Variants in CDK17 observed in about 807,000 individuals in gnomAD.
CDK17 encodes cyclin dependent kinase 17, also known as cyclin-dependent kinase 17.
A neutral mutation model predicts 77.6 loss-of-function variants in CDK17; 24 were observed. The ratio of observed to expected loss-of-function variants is 0.31; its 90% CI spans 0.22 to 0.44. CDK17 has a LOEUF of 0.44. Among genes scored for constraint, CDK17 ranks in the 20% least tolerant of loss-of-function variants. The probability of loss-of-function intolerance (pLI) is 1.00; values close to 1 mark genes in which losing one functional copy is unlikely to be tolerated. For missense variants in CDK17, 429 were observed against 622.5 expected (o/e 0.69, Z 3.31); for synonymous variants, 203 against 210.4 (o/e 0.96, Z 0.30).
chr12:96,332,427 G>A (rs1054097587), intron 2 of CDK17, among the ~76,000 whole-genome samples: 4 of 152,148 alleles, frequency 2.6e-5, no homozygotes, highest in Admixed American at 1.3e-4. Flanking sequence ...AAGTATATAC[G>A]TGTCATTCAT....
intron 1 of CDK17, among the ~76,000 whole-genome samples, chr12:96,349,772 CA>C (rs1227029326): frequency 6.6e-6 from 1 of 151,780 alleles, no homozygotes; most frequent in African/African-American, 2.4e-5. Context: ...CTAGTCAGAA[CA>C]ATTAGGCAAG....
In CDK17 at chr12:96,396,643, A is replaced by C. The variant is rs564985476; in HGVS notation, c.-30+3343T>G. ...TCCATTCAAAATTCAAAAGAACCTA[A>C]AACTATTCATCCTTCCCATGTATGA... is the stretch of plus-strand genomic sequence containing the variant. On this transcript the variant is annotated intron_variant, in intron 1 of 16. Coordinates refer to ENST00000261211, the MANE Select transcript of CDK17 (RefSeq NM_002595.5). 2.6e-5 allele frequency among the ~76,000 whole-genome samples: 4 copies of C among 152,318 alleles called. No individual in the cohort carries two copies. In the South Asian group the frequency reaches 8.3e-4, roughly 32 times the overall value.
At chr12:96,294,426 A>G (rs1952371060) in intron 10 of CDK17, among the ~76,000 whole-genome samples, 1 of 151,582 alleles carries the variant, frequency 6.6e-6, no homozygotes, top group Non-Finnish European at 1.5e-5. Context: ...CACGCTAAAA[A>G]TACAAAATTA....
At chr12:96,363,323 C>T (rs1440417577) in intron 1 of CDK17, among the ~76,000 whole-genome samples, 1 of 151,590 alleles carries the variant, frequency 6.6e-6, no homozygotes, top group Non-Finnish European at 1.5e-5. Context: ...TGGTGGTGGG[C>T]GCCTGTAATC....
At chr12:96,373,329 G>A (rs1385185835) in intron 1 of CDK17, among the ~76,000 whole-genome samples, 1 of 152,114 alleles carries the variant, frequency 6.6e-6, no homozygotes, top group African/African-American at 2.4e-5. Context: ...GGCTCCCAAA[G>A]TGCCTGTAAT....
chr12:96,347,615 AGGGAGGGGAAGGGAGGGGAGGGGAG>A (rs1953238567), intron 1 of CDK17, among the ~76,000 whole-genome samples: 1 of 14,264 alleles, frequency 7.0e-5, no homozygotes, highest in South Asian at 4.8e-3. Context: ...AGGGAGGGGA[AGGGAGGGGAAGGGAGGGGAGGGGAG>A]GGGAGGGGAA....
chr12:96,348,698 T>G (rs536083203), intron 1 of CDK17, among the ~76,000 whole-genome samples: 1 of 152,280 alleles, frequency 6.6e-6, no homozygotes, highest in East Asian at 1.9e-4. Flanking sequence ...AACAATTATA[T>G]GCTAACAAAT....
intron 1 of CDK17, among the ~76,000 whole-genome samples, chr12:96,381,875 C>A (rs1053893799): frequency 6.6e-6 from 1 of 151,698 alleles, no homozygotes; most frequent in Non-Finnish European, 1.5e-5. Context: ...CTTAGCAATC[C>A]GTGGGGATAA....
intron 2 of CDK17, 77 bp from the exon 3 acceptor site, chr12:96,324,189 A>G: frequency 8.4e-7 from 1 of 1,196,076 alleles, no homozygotes; most frequent in Non-Finnish European, 1.1e-6. Context: ...TTCAGAAAGC[A>G]AAACAAAAAG....
intron 1 of CDK17, among the ~76,000 whole-genome samples, chr12:96,380,776 T>C (rs966090527): frequency 3.9e-5 from 6 of 152,220 alleles, no homozygotes; most frequent in African/African-American, 1.4e-4. Flanking sequence ...CTTACTGGAA[T>C]ATCTCCCTCT....
chr12:96,298,703 A>AAT (rs1952450652), intron 7 of CDK17, among the ~76,000 whole-genome samples, 166 bp downstream of exon 7: 1 of 152,222 alleles, frequency 6.6e-6, no homozygotes, highest in South Asian at 2.1e-4. Flanking sequence ...GTTATACACT[A>AAT]ATATAATTAA....
chr12:96,298,260 C>A (rs1044492172), intron 7 of CDK17, among the ~76,000 whole-genome samples: 4 of 151,332 alleles, frequency 2.6e-5, no homozygotes, highest in African/African-American at 9.7e-5. Flanking sequence ...GCACTCCAGC[C>A]TGGGCAACAG....
intron 1 of CDK17, among the ~76,000 whole-genome samples, chr12:96,377,603 G>A (rs960515804): frequency 2.0e-5 from 3 of 151,804 alleles, no homozygotes; most frequent in Admixed American, 6.6e-5. Context: ...CAGTTGCTGA[G>A]GTTATGGGAA....
At chr12:96,295,151 C>A in intron 9 of CDK17, 29 bp from the exon 10 acceptor site, 1 of 1,567,562 alleles carries the variant, frequency 6.4e-7, no homozygotes, top group South Asian at 1.2e-5. Context: ...AAAAATTAGT[C>A]TTAAAGATGA....
At chr12:96,297,985 A>T (rs1472807404) in intron 7 of CDK17, among the ~76,000 whole-genome samples, 1 of 151,258 alleles carries the variant, frequency 6.6e-6, no homozygotes, top group Non-Finnish European at 1.5e-5. Flanking sequence ...TACCAAGGGG[A>T]TTGGTTGTAA....
chr12:96,394,119 G>A (rs762282143), intron 1 of CDK17, among the ~76,000 whole-genome samples: 21 of 151,602 alleles, frequency 1.4e-4, no homozygotes, highest in African/African-American at 5.1e-4. Flanking sequence ...GGTGGTGCAC[G>A]CCTGTAATCC....
At chr12:96,389,219 C>T (rs145409929) in intron 1 of CDK17, among the ~76,000 whole-genome samples, 51 of 151,888 alleles carry the variant, frequency 3.4e-4, no homozygotes, top group Middle Eastern at 6.8e-3. Context: ...CAGTGATCCT[C>T]CTCAGTCTGC....
At chr12:96,283,014 G>T (rs1387475651) in intron 14 of CDK17, among the ~76,000 whole-genome samples, 6 of 151,622 alleles carry the variant, frequency 4.0e-5, no homozygotes, top group African/African-American at 1.5e-4. Context: ...ATACAACCTA[G>T]GTTTGTTCAA....
Position 96,370,022 on chromosome 12 carries a change from C to T in CDK17, c.-30+29964G>A, listed in dbSNP as rs867062651. Reference sequence around the variant, plus strand: ...TGAAGGAACTGGCTCTAAGAAGCCGCGAGTGTAAGAGCTGGACAGAAGGAA... The same window carrying T: ...TGAAGGAACTGGCTCTAAGAAGCCGTGAGTGTAAGAGCTGGACAGAAGGAA... On this transcript the variant is annotated intron_variant, in intron 1 of 16. Transcript: ENST00000261211. 7.9e-5 allele frequency among the ~76,000 whole-genome samples: 12 copies of T among 151,910 alleles called. No individual in the cohort carries two copies. In the South Asian group the frequency reaches 8.3e-4, roughly 11 times the overall value.
Sources: gnomAD v4.1 joint callset for allele counts (sites outside exome capture counted in the v4.1 genomes callset) on GRCh38, gnomAD v4.1.1 for gene constraint, MANE v1.5 for transcripts, NCBI Gene and HGNC (gene_info 2026-07-23, HGNC 2026-07-21) for gene names.